PCDHGB4: variants seen among roughly 807,000 people sequenced by gnomAD.
PCDHGB4 encodes the protein protocadherin gamma subfamily B, 4.
In PCDHGB4, 38 loss-of-function variants were observed where a neutral mutation model predicts 60.5. The observed-to-expected ratio is 0.63, with a 90% CI of 0.48 to 0.82. The LOEUF is 0.82. PCDHGB4 is among the 40% of genes least tolerant of loss of function. The pLI is 0.00. For synonymous variants in PCDHGB4, 456 were observed against 509.7 expected (o/e 0.89, Z 1.42); for missense variants, 1,109 against 1,209.6 (o/e 0.92, Z 1.23).
intron 1 of PCDHGB4, chr5:141,408,971 C>A: frequency 6.2e-7 from 1 of 1,613,816 alleles, no homozygotes; most frequent in Non-Finnish European, 8.5e-7. Context: ...AAATCTGCCC[C>A]CTGGGTCCCC....
intron 1 of PCDHGB4, among the ~76,000 whole-genome samples, chr5:141,433,853 A>C (rs934981508): frequency 1.3e-5 from 2 of 151,912 alleles, no homozygotes; most frequent in African/African-American, 2.4e-5. Context: ...AAAAAAAAAA[A>C]AACTTTATCC....
rs764843194 is a variant in PCDHGB4 at position 141,490,530 on chromosome 5, T to A, written c.2398-4277T>A. 1.2e-6 allele frequency: 2 copies of A among 1,613,794 alleles called. No individual in the cohort carries two copies. Among genetic ancestry groups the A allele is most frequent in the African/African-American group, 2.7e-5 (2 of 74,846 alleles). ...TCGAGCTGCTGGCCAGCGATGCTGG[T>A]TCACCTTCCCTACACAAACATCTCA... On this transcript the variant is annotated intron_variant, in intron 1 of 3. Coordinates refer to ENST00000519479, the MANE Select transcript of PCDHGB4 (RefSeq NM_003736.4). This position sits in a 1 kb window ranked among gnomAD's most constrained non-coding sequence, Gnocchi z 5.4.
chr5:141,421,901 G>C (rs754277661), intron 1 of PCDHGB4: 1 of 1,613,724 alleles, frequency 6.2e-7, no homozygotes, highest in East Asian at 2.2e-5. Flanking sequence ...ATCCGAAAGG[G>C]CGCAGTTCCC....
chr5:141,490,730 A>C lies in PCDHGB4; in HGVS notation c.2398-4077A>C. On this transcript the variant is annotated intron_variant, in intron 1 of 3. Coordinates refer to ENST00000519479, the MANE Select transcript of PCDHGB4 (RefSeq NM_003736.4). This position sits in a 1 kb window ranked among gnomAD's most constrained non-coding sequence, Gnocchi z 5.4. ...CTCACCTACTCCATTGTAGGAAATC[A>C]GGTTCAGGGAGCCCCAGCCTCCTCC... 6.2e-7 allele frequency: 1 copy of C among 1,614,188 alleles called. No homozygotes were observed. Among genetic ancestry groups the C allele is most frequent in the Non-Finnish European group, 8.5e-7 (1 of 1,180,024 alleles).
intron 1 of PCDHGB4, chr5:141,442,120 C>G (rs766641164): frequency 6.0e-6 from 1 of 165,340 alleles, no homozygotes; most frequent in Admixed American, 6.5e-5. Flanking sequence ...CCCTCGTCGC[C>G]GACAGCCTGC....
At chr5:141,451,957 A>C (rs1019378263) in intron 1 of PCDHGB4, among the ~76,000 whole-genome samples, 3 of 152,202 alleles carry the variant, frequency 2.0e-5, no homozygotes, top group African/African-American at 7.2e-5. Context: ...AGAAAGTGAC[A>C]TACCATCATT....
At chr5:141,399,434 T>C (rs937697147) in intron 1 of PCDHGB4, 1 of 1,614,008 alleles carries the variant, frequency 6.2e-7, no homozygotes. Flanking sequence ...AGCGTCATCC[T>C]ACATATCAGA....
intron 1 of PCDHGB4, chr5:141,429,110 T>A (rs2097186231): frequency 6.6e-6 from 1 of 151,978 alleles, no homozygotes; most frequent in Non-Finnish European, 1.5e-5. Context: ...CGCCTCGGCC[T>A]CCCAAAGTGC....
At chr5:141,400,237 A>AT in intron 1 of PCDHGB4, 3 of 1,613,870 alleles carry the variant, frequency 1.9e-6, no homozygotes, top group Non-Finnish European at 2.5e-6. Flanking sequence ...CCTGGCCGTG[A>AT]TTCTGGCCGT....
At chr5:141,435,510 T>C (rs72790047) in intron 1 of PCDHGB4, among the ~76,000 whole-genome samples, 9,714 of 152,280 alleles carry the variant, frequency 0.064, 363 homozygotes, top group African/African-American at 0.099. Context: ...ATGATACTAA[T>C]GATGACTTTG....
intron 1 of PCDHGB4, among the ~76,000 whole-genome samples, chr5:141,451,630 C>T (rs899343801): frequency 2.0e-5 from 3 of 152,132 alleles, no homozygotes; most frequent in Non-Finnish European, 2.9e-5. Flanking sequence ...ACCTGTAATT[C>T]CAGCACTCTG....
At chr5:141,398,977 A>G (rs761532339) in intron 1 of PCDHGB4, 2 of 1,613,952 alleles carry the variant, frequency 1.2e-6, no homozygotes, top group Non-Finnish European at 1.7e-6. Context: ...CTTCTACAGA[A>G]CCGGGCAAAT....
chr5:141,420,722 A>T (rs1428516588), intron 1 of PCDHGB4, among the ~76,000 whole-genome samples: 4 of 152,226 alleles, frequency 2.6e-5, no homozygotes, highest in Admixed American at 6.5e-5. Flanking sequence ...CGTTCCTTTC[A>T]GTCGGTTAAA....
intron 1 of PCDHGB4, chr5:141,392,164 A>C (rs2092476759): frequency 1.3e-5 from 2 of 152,244 alleles, no homozygotes; most frequent in African/African-American, 4.8e-5. Flanking sequence ...ACAATTTCTG[A>C]GTCAGTCATC....
intron 3 of PCDHGB4, among the ~76,000 whole-genome samples, chr5:141,507,521 C>G (rs2099861196): frequency 6.6e-6 from 1 of 151,972 alleles, no homozygotes; most frequent in African/African-American, 2.4e-5. Flanking sequence ...GGCTATGATT[C>G]CAGAGAGGCC....
chr5:141,425,843 G>A (rs2096898027), intron 1 of PCDHGB4, among the ~76,000 whole-genome samples: 1 of 152,118 alleles, frequency 6.6e-6, no homozygotes, highest in African/African-American at 2.4e-5. Flanking sequence ...TCTCTTTGCT[G>A]GGTTAATGAC....
In PCDHGB4 at chr5:141,493,482, G is replaced by T. The variant is rs184736387; in HGVS notation, c.2398-1325G>T. The stretch of plus-strand genomic sequence containing the variant: ...TTTTAGGACCTTACATGTGGGGAAA[G>T]TCTTCTGTGGCTCCTCATTTCTGAG... On this transcript the variant is annotated intron_variant, in intron 1 of 3. Coordinates refer to ENST00000519479, the MANE Select transcript of PCDHGB4 (RefSeq NM_003736.4). The surrounding 1 kb of genome is among the most constrained non-coding windows in gnomAD (Gnocchi z 4.3). 6.6e-6 allele frequency among the ~76,000 whole-genome samples: 1 copy of T among 152,206 alleles called. No individual in the cohort carries two copies. Among genetic ancestry groups the T allele is most frequent in the Admixed American group, 6.5e-5 (1 of 15,282 alleles).
chr5:141,423,058 A>G (rs1235938743), intron 1 of PCDHGB4: 3 of 1,614,022 alleles, frequency 1.9e-6, no homozygotes, highest in African/African-American at 2.7e-5. Flanking sequence ...TCGCCTGCTT[A>G]AGGCCAGCGA....
At chr5:141,505,259 C>T in intron 2 of PCDHGB4, 134 bp from the exon 3 acceptor site, 2 of 1,500,262 alleles carry the variant, frequency 1.3e-6, no homozygotes, top group Admixed American at 2.0e-5. Flanking sequence ...GTGCCTCCTA[C>T]CTTGCTGAGA....
Sources: allele counts gnomAD v4.1 joint callset (sites outside exome capture counted in the v4.1 genomes callset), GRCh38; gene constraint gnomAD v4.1.1; non-coding constraint Gnocchi (gnomAD v3.1); transcripts MANE v1.5; gene names NCBI Gene and HGNC (gene_info 2026-07-23, HGNC 2026-07-21).